MAD1L1: variants seen among roughly 807,000 people sequenced by gnomAD.
The protein encoded by MAD1L1 is mitotic arrest deficient 1 like 1.
In MAD1L1, 95 loss-of-function variants were observed where a neutral mutation model predicts 96.9. That is an observed-to-expected ratio of 0.98 (90% CI 0.83 to 1.16). The LOEUF is 1.16. Ranked by LOEUF, MAD1L1 falls within the 50% of genes most tolerant of loss-of-function variation. MAD1L1 has a pLI of 0.00. For synonymous variants in MAD1L1, 473 were observed against 396.6 expected (o/e 1.19, Z -2.29); for missense variants, 1,007 against 954.4 (o/e 1.06, Z -0.73).
At chr7:1,871,705 G>T (rs1450510520) in intron 18 of MAD1L1, among the ~76,000 whole-genome samples, 1 of 138,308 alleles carries the variant, frequency 7.2e-6, no homozygotes, top group East Asian at 2.2e-4. Flanking sequence ...CACCTGCCAC[G>T]CTGAAGCCAA....
intron 11 of MAD1L1, among the ~76,000 whole-genome samples, chr7:2,129,985 C>A (rs1397793189): frequency 6.6e-6 from 1 of 152,234 alleles, no homozygotes; most frequent in Non-Finnish European, 1.5e-5. Flanking sequence ...GTGAAGAAAA[C>A]ACTACCCAAC....
chr7:2,151,355 C>T (rs1425075344), intron 10 of MAD1L1, among the ~76,000 whole-genome samples: 1 of 152,238 alleles, frequency 6.6e-6, no homozygotes, highest in African/African-American at 2.4e-5. Context: ...AGGCTACAGG[C>T]TCCACCTACA....
intron 12 of MAD1L1, among the ~76,000 whole-genome samples, chr7:2,048,322 G>C (rs1784026949): frequency 6.6e-6 from 1 of 152,252 alleles, no homozygotes; most frequent in Admixed American, 6.5e-5. Context: ...ACCCAGGCAA[G>C]TTCCTTCATC....
chr7:2,189,505 T>A (rs1791617444), intron 10 of MAD1L1, among the ~76,000 whole-genome samples: 1 of 152,202 alleles, frequency 6.6e-6, no homozygotes, highest in Non-Finnish European at 1.5e-5. Context: ...ACATGGATGA[T>A]CCCTGAGGAC....
chr7:1,844,502 G>A (rs552963714), intron 18 of MAD1L1, among the ~76,000 whole-genome samples: 26 of 152,274 alleles, frequency 1.7e-4, no homozygotes, highest in Admixed American at 5.9e-4. Flanking sequence ...AGCTTGACAC[G>A]GAGCCCTGCA....
intron 11 of MAD1L1, among the ~76,000 whole-genome samples, chr7:2,094,715 G>C (rs73034423): frequency 6.6e-6 from 1 of 152,132 alleles, no homozygotes; most frequent in African/African-American, 2.4e-5. Flanking sequence ...CAAAGGCCCC[G>C]GGGCAGGAGC....
chr7:1,854,117 T>A (rs970046469), intron 18 of MAD1L1, among the ~76,000 whole-genome samples: 30 of 152,074 alleles, frequency 2.0e-4, no homozygotes, highest in Non-Finnish European at 3.5e-4. Context: ...GGAGGCCACA[T>A]CACTCACGGG....
At chr7:2,085,039 A>G (rs1354369119) in intron 11 of MAD1L1, among the ~76,000 whole-genome samples, 1 of 152,210 alleles carries the variant, frequency 6.6e-6, no homozygotes, top group East Asian at 1.9e-4. Flanking sequence ...CTGAGAAGAC[A>G]TCAGAGAGCC....
intron 10 of MAD1L1, among the ~76,000 whole-genome samples, chr7:2,177,207 T>C (rs545107678): frequency 4.6e-5 from 7 of 152,368 alleles, no homozygotes; most frequent in African/African-American, 1.7e-4. Flanking sequence ...AACATAGTGT[T>C]ACAGCCACAA....
At position 2,093,244 on chromosome 7, in the gene MAD1L1, C is replaced by CAAAAA. The variant is rs10654575; in HGVS notation, c.1074-23911_1074-23907dup. On this transcript the variant is annotated intron_variant, in intron 11 of 18. Transcript: ENST00000265854. The stretch of plus-strand genomic sequence containing the variant: ...TGGGGGACACAGAGAGACTCCGTGT[C>CAAAAA]AAAAAAAAAAAAAAAAAAAAATTCA... 1.2e-3 allele frequency among the ~76,000 whole-genome samples: 124 copies of CAAAAA among 100,986 alleles called. 3 individuals are homozygous for CAAAAA. Among genetic ancestry groups the CAAAAA allele is most frequent in the African/African-American group, 3.8e-3 (93 of 24,292 alleles). The allele number at this position is 100,986 out of a possible 152,430, so 66.3% of individuals were successfully genotyped here.
chr7:1,819,278 C>T (rs1401584737), intron 18 of MAD1L1, among the ~76,000 whole-genome samples: 9 of 152,182 alleles, frequency 5.9e-5, no homozygotes, highest in South Asian at 2.1e-4. Flanking sequence ...AGGCTGCCTG[C>T]GCGCAGGCTC....
At chr7:1,931,585 T>G (rs1789481097) in intron 17 of MAD1L1, among the ~76,000 whole-genome samples, 1 of 152,218 alleles carries the variant, frequency 6.6e-6, no homozygotes. Flanking sequence ...CTTCTGGACT[T>G]GAGCGCTCGG....
At chr7:2,093,757 C>T (rs924636078) in intron 11 of MAD1L1, among the ~76,000 whole-genome samples, 4 of 152,146 alleles carry the variant, frequency 2.6e-5, no homozygotes, top group Admixed American at 6.5e-5. Context: ...GGCTGGGCAA[C>T]GCACGGGAGA....
chr7:2,112,490 T>G (rs1200690756), intron 11 of MAD1L1, among the ~76,000 whole-genome samples: 3 of 152,182 alleles, frequency 2.0e-5, no homozygotes, highest in Admixed American at 1.3e-4. Flanking sequence ...CCACAGACAC[T>G]GCACCCTCGC....
chr7:1,910,904 G>A (rs1787973223), intron 17 of MAD1L1, among the ~76,000 whole-genome samples: 1 of 152,240 alleles, frequency 6.6e-6, no homozygotes, highest in Non-Finnish European at 1.5e-5. Context: ...ATGGGCTCCA[G>A]CATGGCGATG....
At chr7:1,959,520 G>A (rs1779864710) in intron 15 of MAD1L1, among the ~76,000 whole-genome samples, 1 of 152,172 alleles carries the variant, frequency 6.6e-6, no homozygotes. Context: ...CAGCCCCAGA[G>A]CACATCAGGA....
At chr7:1,817,648 G>C (rs1562420958) in intron 18 of MAD1L1, 1 of 152,266 alleles carries the variant, frequency 6.6e-6, no homozygotes, top group South Asian at 2.1e-4. Context: ...GCTGCGCACT[G>C]AATGTGCCGG....
rs1189922265 is a variant in MAD1L1 at position 1,929,834 on chromosome 7, C to A, written c.1807+6853G>T. On this transcript the variant is annotated intron_variant, in intron 17 of 18. Transcript: ENST00000265854. ...CACTGCCACGTCCCCTGCCCCGTCCCCACTGCCACGTCCCCTCATCCCGTC... is the reference window on the plus strand; with the variant it reads ...CACTGCCACGTCCCCTGCCCCGTCCACACTGCCACGTCCCCTCATCCCGTC... Among the ~76,000 whole-genome samples, 50 of 27,574 alleles carry A rather than the reference C, an allele frequency of 1.8e-3. 4 individuals carry two copies. The highest frequency in any genetic ancestry group is 0.011 in the East Asian group (10 of 884). The allele number at this position is 27,574 out of a possible 152,430, so 18.1% of individuals were successfully genotyped here. A position where few individuals can be genotyped will look rare whatever the true frequency, so the allele number is the denominator to read the frequency against.
Position 2,114,959 on chromosome 7 carries a change from GA to G in MAD1L1, c.1073+34192del, listed in dbSNP as rs1233868967. On this transcript the variant is annotated intron_variant, in intron 11 of 18. Coordinates refer to ENST00000265854, the MANE Select transcript of MAD1L1 (RefSeq NM_001013836.2). The surrounding 1 kb of genome is among the most constrained non-coding windows in gnomAD (Gnocchi z 4.2). ...CGCTGCAGCAGCAGGGAACCTTCCG[GA>G]AGAATCTGTTCCCAGGGTAGAAACA... is the stretch of plus-strand genomic sequence containing the variant. 6.6e-6 allele frequency among the ~76,000 whole-genome samples: 1 copy of G among 152,258 alleles called. No homozygotes were observed. Among genetic ancestry groups the G allele is most frequent in the Non-Finnish European group, 1.5e-5 (1 of 68,050 alleles).
Sources: gnomAD v4.1 joint callset for allele counts (sites outside exome capture counted in the v4.1 genomes callset) on GRCh38, gnomAD v4.1.1 for gene constraint, Gnocchi (gnomAD v3.1) non-coding constraint, MANE v1.5 for transcripts, NCBI Gene and HGNC (gene_info 2026-07-23, HGNC 2026-07-21) for gene names.